The following RAB8B variants were observed in gnomAD, a reference collection of about 807,000 sequenced individuals.
The protein encoded by RAB8B is RAB8B, member RAS oncogene family.
RAB8B carries 11 observed loss-of-function variants against 32.0 expected under a neutral mutation model. That is an observed-to-expected ratio of 0.34 (90% confidence interval 0.22 to 0.57). RAB8B has a LOEUF of 0.57. Ranked by LOEUF, RAB8B falls within the 20% of genes least tolerant of loss-of-function variation. The probability of loss-of-function intolerance (pLI) is 0.86; values close to 1 mark genes in which losing one functional copy is unlikely to be tolerated. For missense variants in RAB8B, 190 were observed against 258.5 expected (o/e 0.73, Z 1.82); for synonymous variants, 103 against 89.6 (o/e 1.15, Z -0.85).
chr15:63,234,648 CT>C (rs897557924), intron 1 of RAB8B, among the ~76,000 whole-genome samples: 55 of 152,314 alleles, frequency 3.6e-4, no homozygotes, highest in African/African-American at 1.2e-3. Flanking sequence ...GAGCTTGCTC[CT>C]TACCCCTCAC....
intron 1 of RAB8B, among the ~76,000 whole-genome samples, chr15:63,241,392 A>G (rs1470107522): frequency 1.3e-5 from 2 of 152,210 alleles, no homozygotes; most frequent in African/African-American, 4.8e-5. Context: ...AATGTTGGAC[A>G]TTGGCCTTTT....
intron 1 of RAB8B, among the ~76,000 whole-genome samples, chr15:63,229,888 G>T (rs973203284): frequency 2.6e-5 from 4 of 151,642 alleles, no homozygotes; most frequent in African/African-American, 9.7e-5. Context: ...TTATTTTAAG[G>T]TGAATGGCTA....
At chr15:63,193,571 G>A (rs1365839559) in intron 1 of RAB8B, among the ~76,000 whole-genome samples, 1 of 152,110 alleles carries the variant, frequency 6.6e-6, no homozygotes, top group Non-Finnish European at 1.5e-5. Flanking sequence ...CAGCACTTTG[G>A]GAGGCCAAGG....
At position 63,264,768 on chromosome 15, in the gene RAB8B, A is replaced by C. The variant is rs2038231883; in HGVS notation, c.*1149A>C. On this transcript the variant is annotated 3_prime_UTR_variant, in exon 8 of 8. Transcript: ENST00000321437. ...TTTAGAAATAAAAGTACTTAGACCT[A>C]GTGCAGCCTCTAGGAAAAGTCTTGC... 1.3e-5 allele frequency: 2 copies of C among 152,254 alleles called. No individual in the cohort carries two copies. Among genetic ancestry groups the C allele is most frequent in the Non-Finnish European group, 2.9e-5 (2 of 68,040 alleles). The allele number at this position is 152,254 out of a possible 1,614,324, so 9.4% of individuals were successfully genotyped here.
chr15:63,255,459 AC>A (rs2038151523), intron 3 of RAB8B, 47 bp from the exon 4 acceptor site: 6 of 1,305,834 alleles, frequency 4.6e-6, no homozygotes, highest in Non-Finnish European at 6.4e-6. Context: ...ATATACTATA[AC>A]TTTAAATATA....
At chr15:63,237,340 G>T (rs912532630) in intron 1 of RAB8B, among the ~76,000 whole-genome samples, 8 of 152,148 alleles carry the variant, frequency 5.3e-5, no homozygotes, top group Non-Finnish European at 1.0e-4. Flanking sequence ...GTACTAATTT[G>T]CATTCCCACC....
At chr15:63,244,643 C>A (rs771640916) in intron 1 of RAB8B, 113 bp from the exon 2 acceptor site, 35 of 770,526 alleles carry the variant, frequency 4.5e-5, no homozygotes, top group Non-Finnish European at 7.4e-5. Context: ...TCTCTGTGTT[C>A]ACATTTTCCA....
At position 63,267,234 on chromosome 15, in the gene RAB8B, A is replaced by C. The variant is rs912260018; in HGVS notation, c.*3615A>C. On this transcript the variant is annotated 3_prime_UTR_variant, in exon 8 of 8. Transcript: ENST00000321437. Reference sequence around the variant, plus strand: ...GGCTGTCATGTTCACTCTGAAAAAAATCTAAATGACTGAAATGTACAGAAA... The same window carrying C: ...GGCTGTCATGTTCACTCTGAAAAAACTCTAAATGACTGAAATGTACAGAAA... 2 of 152,644 alleles carry C rather than the reference A, an allele frequency of 1.3e-5. No homozygotes were observed. The highest frequency in any genetic ancestry group is 4.8e-5 in the African/African-American group (2 of 41,458). The allele number at this position is 152,644 out of a possible 1,614,324, so 9.5% of individuals were successfully genotyped here. A position where few individuals can be genotyped will look rare whatever the true frequency, so the allele number is the denominator to read the frequency against.
chr15:63,238,865 G>C (rs1214656252), intron 1 of RAB8B, among the ~76,000 whole-genome samples: 1 of 152,188 alleles, frequency 6.6e-6, no homozygotes, highest in Non-Finnish European at 1.5e-5. Context: ...TAGCCTGCCA[G>C]AACATGACAT....
Position 63,189,663 on chromosome 15 carries a change from G to C in RAB8B, c.39G>C (p.Leu13=). 6.2e-7 allele frequency: 1 copy of C among 1,614,036 alleles called. No individual in the cohort carries two copies. Among genetic ancestry groups the C allele is most frequent in the South Asian group, 1.1e-5 (1 of 91,076 alleles). ...ACGATTATCTCTTCAAGCTCCTGCT[G>C]ATCGGCGACTCGGGGGTAGGCAAGA... ...KTYDYLFKLL[L]IGDSGVGKTC... is the part of the protein sequence containing the mutation. Residue 13 remains leucine, a synonymous_variant, in exon 1 of 8, where the codon CTG becomes CTC. Transcript: ENST00000321437.
At position 63,263,943 on chromosome 15, in the gene RAB8B, A is replaced by G. The variant is rs1168916655; in HGVS notation, c.*324A>G. On this transcript the variant is annotated 3_prime_UTR_variant, in exon 8 of 8. Transcript: ENST00000321437. ...AGTGTTAGCCTTTCCCTATTTCAGC[A>G]CAATCTTAGACTCATATTTGCACAC... The G allele has an allele frequency of 4.8e-6, 1 of 209,944 alleles. No homozygotes were observed. Among genetic ancestry groups the G allele is most frequent in the African/African-American group, 2.3e-5 (1 of 43,246 alleles). 13.0% of individuals were successfully genotyped at this position (209,944 alleles called of 1,614,324 possible). A position where few individuals can be genotyped will look rare whatever the true frequency, so the allele number is the denominator to read the frequency against.
intron 1 of RAB8B, among the ~76,000 whole-genome samples, chr15:63,203,853 CAG>C (rs1483302776): frequency 6.6e-6 from 1 of 152,108 alleles, no homozygotes; most frequent in Non-Finnish European, 1.5e-5. Flanking sequence ...AACAGTGACT[CAG>C]AAGTATTTTT....
In RAB8B at chr15:63,243,163, T is replaced by C. The variant is rs547702043; in HGVS notation, c.125-1593T>C. On this transcript the variant is annotated intron_variant, in intron 1 of 7. Coordinates refer to ENST00000321437, the MANE Select transcript of RAB8B (RefSeq NM_016530.3). ...ACCTATGAGAATCTAATGCCACTGCTGATCTGACAGGAGGCTGAACTTAGG... is the reference window on the plus strand; with the variant it reads ...ACCTATGAGAATCTAATGCCACTGCCGATCTGACAGGAGGCTGAACTTAGG... Among the ~76,000 whole-genome samples, 7 of 152,308 alleles carry C rather than the reference T, an allele frequency of 4.6e-5. No homozygotes were observed. In the East Asian group the frequency reaches 9.6e-4, roughly 21 times the overall value.
chr15:63,253,215 A>G (rs1555424090), intron 3 of RAB8B, among the ~76,000 whole-genome samples: 1 of 152,206 alleles, frequency 6.6e-6, no homozygotes, highest in Non-Finnish European at 1.5e-5. Flanking sequence ...AAGGATACAT[A>G]TACTACAGGA....
chr15:63,190,114 G>A (rs1028786382), intron 1 of RAB8B, among the ~76,000 whole-genome samples: 3 of 151,108 alleles, frequency 2.0e-5, no homozygotes, highest in African/African-American at 4.9e-5. Flanking sequence ...AGAGAGAAGG[G>A]GATAGTGGAC....
chr15:63,241,752 G>C (rs999883960), intron 1 of RAB8B, among the ~76,000 whole-genome samples: 5 of 152,218 alleles, frequency 3.3e-5, no homozygotes, highest in South Asian at 2.1e-4. Context: ...CATTGTTCTT[G>C]ATGCCAGGCC....
At chr15:63,213,672 A>G (rs188745712) in intron 1 of RAB8B, among the ~76,000 whole-genome samples, 3 of 152,326 alleles carry the variant, frequency 2.0e-5, no homozygotes, top group Admixed American at 6.5e-5. Context: ...GTTCTTTCCA[A>G]CTGCTTTTGT....
At chr15:63,190,340 A>C (rs531677531) in intron 1 of RAB8B, among the ~76,000 whole-genome samples, 1 of 152,030 alleles carries the variant, frequency 6.6e-6, no homozygotes, top group Non-Finnish European at 1.5e-5. Context: ...ATGTCGTAGG[A>C]GGGGACAGAA....
intron 5 of RAB8B, among the ~76,000 whole-genome samples, chr15:63,257,261 T>TC (rs1172635085): frequency 6.6e-6 from 1 of 151,210 alleles, no homozygotes; most frequent in African/African-American, 2.4e-5. Flanking sequence ...CATTTTCTTT[T>TC]CTTTTTTTTT....
Sources: allele counts gnomAD v4.1 joint callset (sites outside exome capture counted in the v4.1 genomes callset), GRCh38; gene constraint gnomAD v4.1.1; transcripts MANE v1.5; gene names NCBI Gene and HGNC (gene_info 2026-07-23, HGNC 2026-07-21).